Variants in ESR1 observed in about 807,000 individuals in gnomAD.
ESR1 encodes the protein estrogen receptor.
Under a neutral mutation model 52.7 loss-of-function variants are expected in ESR1, and 12 were observed. That is an observed-to-expected ratio of 0.23 (90% CI 0.15 to 0.37). ESR1 has a LOEUF of 0.37. Among genes scored for constraint, ESR1 ranks in the 10% least tolerant of loss-of-function variants. The pLI, the probability that ESR1 is intolerant of heterozygous loss-of-function variation, is 1.00. For synonymous variants in ESR1, 305 were observed against 316.8 expected (o/e 0.96, Z 0.39); for missense variants, 584 against 779.7 (o/e 0.75, Z 2.99).
chr6:151,735,209 G>A lies in ESR1; in HGVS notation c.-71+33204G>A, dbSNP rs139333476. 2.4e-3 allele frequency among the ~76,000 whole-genome samples: 370 copies of A among 152,132 alleles called. 2 individuals are homozygous for A. The highest frequency in any genetic ancestry group is 8.2e-3 in the African/African-American group (340 of 41,508). On this transcript the variant is annotated intron_variant, in intron 2 of 2. Coordinates refer to the ESR1 transcript ENST00000404742. ...TGGACTAGGTTTCTTAGCATAATGC[G>A]TTGTTGTGGTCCTCATGGTCTGTTG...
At chr6:152,078,961 G>T (rs535322068) in intron 6 of ESR1, among the ~76,000 whole-genome samples, 1 of 152,196 alleles carries the variant, frequency 6.6e-6, no homozygotes, top group Non-Finnish European at 1.5e-5. Context: ...AGCTCACAGC[G>T]TAAACAAAGC....
intron 5 of ESR1, among the ~76,000 whole-genome samples, chr6:152,040,722 T>C (rs1415109481): frequency 6.6e-6 from 1 of 152,200 alleles, no homozygotes; most frequent in East Asian, 1.9e-4. Context: ...TGTCCACTTT[T>C]GGGTGGTGAC....
At chr6:151,722,932 T>C (rs145138506) in intron 2 of ESR1, among the ~76,000 whole-genome samples, 2 of 152,290 alleles carry the variant, frequency 1.3e-5, no homozygotes, top group East Asian at 1.9e-4. Flanking sequence ...TATCCCCCAA[T>C]TGTGGTTTTC....
intron 5 of ESR1, among the ~76,000 whole-genome samples, chr6:152,060,484 C>T (rs186180313): frequency 1.7e-4 from 26 of 152,170 alleles, no homozygotes; most frequent in Non-Finnish European, 2.9e-4. Context: ...GGGCTCAGCC[C>T]AACCATAGCC....
intron 4 of ESR1, among the ~76,000 whole-genome samples, chr6:151,980,479 C>G (rs2039885944): frequency 6.6e-6 from 1 of 151,858 alleles, no homozygotes; most frequent in Non-Finnish European, 1.5e-5. Context: ...AAATAGGAGG[C>G]ATTTTTTGTT....
At chr6:151,686,614 A>G (rs191245955), upstream of ESR1, among the ~76,000 whole-genome samples, 1,234 of 152,142 alleles carry the variant, frequency 8.1e-3, 4 homozygotes, top group Non-Finnish European at 0.013. Flanking sequence ...CGTGAACCCG[A>G]GAGGCGGAGC....
intron 5 of ESR1, among the ~76,000 whole-genome samples, chr6:152,031,186 G>A (rs952172256): frequency 2.0e-5 from 3 of 152,140 alleles, no homozygotes; most frequent in African/African-American, 4.8e-5. Context: ...AGAGAAAGCA[G>A]GAAAGATCTA....
upstream of ESR1, among the ~76,000 whole-genome samples, chr6:151,801,146 A>G (rs1323753832): frequency 6.6e-6 from 1 of 151,870 alleles, no homozygotes; most frequent in Non-Finnish European, 1.5e-5. Flanking sequence ...CAATCTAGAT[A>G]TTGCTCTTCA....
chr6:151,856,829 T>G (rs1045309783), intron 2 of ESR1, among the ~76,000 whole-genome samples: 14 of 152,198 alleles, frequency 9.2e-5, no homozygotes, highest in African/African-American at 3.4e-4. Context: ...ACTTTGGGGA[T>G]GAAGTACCCT....
At chr6:151,935,417 C>A (rs950746503) in intron 3 of ESR1, among the ~76,000 whole-genome samples, 2 of 152,234 alleles carry the variant, frequency 1.3e-5, no homozygotes, top group Admixed American at 6.5e-5. Context: ...TTGGGGGCAG[C>A]CTGGCAGGAG....
At chr6:152,118,916 T>C (rs1019123652) in intron 6 of ESR1, among the ~76,000 whole-genome samples, 2 of 152,110 alleles carry the variant, frequency 1.3e-5, no homozygotes, top group Non-Finnish European at 2.9e-5. Context: ...TGTCTGTTGC[T>C]CTCCCCAGGC....
intron 2 of ESR1, among the ~76,000 whole-genome samples, chr6:151,775,153 A>C (rs894474832): frequency 5.3e-5 from 8 of 152,228 alleles, no homozygotes; most frequent in African/African-American, 1.9e-4. Flanking sequence ...AAAGGAAAAC[A>C]GTCTGTCCCG....
intron 4 of ESR1, among the ~76,000 whole-genome samples, chr6:151,957,849 T>C (rs2037181676): frequency 6.6e-6 from 1 of 152,350 alleles, no homozygotes; most frequent in Non-Finnish European, 1.5e-5. Flanking sequence ...TTCTCTCACA[T>C]AAAATTAGTC....
chr6:151,922,643 G>T (rs1245296524), intron 3 of ESR1, among the ~76,000 whole-genome samples: 1 of 152,070 alleles, frequency 6.6e-6, no homozygotes, highest in Admixed American at 6.6e-5. Context: ...CTACAAGATA[G>T]TTCAGACTTA....
chr6:151,869,025 A>G (rs192519658), intron 2 of ESR1, among the ~76,000 whole-genome samples: 1 of 152,292 alleles, frequency 6.6e-6, no homozygotes, highest in African/African-American at 2.4e-5. Context: ...AAAATGGCCC[A>G]GAAATTGGAA....
intron 6 of ESR1, among the ~76,000 whole-genome samples, chr6:152,085,536 C>T (rs563705906): frequency 1.8e-4 from 28 of 152,150 alleles, no homozygotes; most frequent in African/African-American, 6.5e-4. Context: ...GAGTTATGGG[C>T]TGGAACCACC....
intron 2 of ESR1, among the ~76,000 whole-genome samples, chr6:151,750,761 G>A (rs977612019): frequency 3.3e-5 from 5 of 152,010 alleles, no homozygotes; most frequent in Admixed American, 6.6e-5. Context: ...GGTAAACTTC[G>A]TTCTGAAAAC....
intron 2 of ESR1, among the ~76,000 whole-genome samples, chr6:151,786,637 A>T (rs903320458): frequency 1.3e-5 from 2 of 152,046 alleles, no homozygotes; most frequent in African/African-American, 2.4e-5. Flanking sequence ...TTGATTTTTT[A>T]AAAAATCTGT....
At chr6:151,892,118 C>G (rs1422657076) in intron 3 of ESR1, among the ~76,000 whole-genome samples, 1 of 152,156 alleles carries the variant, frequency 6.6e-6, no homozygotes, top group African/African-American at 2.4e-5. Context: ...TTAAACTTGA[C>G]TCTTTACCTA....
Sources: gnomAD v4.1 joint callset for allele counts (sites outside exome capture counted in the v4.1 genomes callset) on GRCh38, gnomAD v4.1.1 for gene constraint, MANE v1.5 for transcripts, NCBI Gene and HGNC (gene_info 2026-07-23, HGNC 2026-07-21) for gene names.